Variants in TBCA observed in about 807,000 individuals in gnomAD.
TBCA encodes tubulin-specific chaperone A.
A neutral mutation model predicts 15.8 loss-of-function variants in TBCA; 6 were observed. That is an observed-to-expected ratio of 0.38 (90% CI 0.21 to 0.75). TBCA has a LOEUF of 0.75. Among genes scored for constraint, TBCA ranks in the 30% least tolerant of loss-of-function variants. The pLI, the probability that TBCA is intolerant of heterozygous loss-of-function variation, is 0.46. For synonymous variants in TBCA, 32 were observed against 42.3 expected (o/e 0.76, Z 0.94); for missense variants, 90 against 131.2 (o/e 0.69, Z 1.53).
intron 1 of TBCA, among the ~76,000 whole-genome samples, chr5:77,746,286 A>C (rs1561278516): frequency 6.6e-6 from 1 of 152,084 alleles, no homozygotes; most frequent in African/African-American, 2.4e-5. Context: ...AATAAAAATA[A>C]ATAATTTTTT....
chr5:77,768,491 T>C (rs968402023), intron 1 of TBCA, among the ~76,000 whole-genome samples: 7 of 152,210 alleles, frequency 4.6e-5, no homozygotes, highest in African/African-American at 1.4e-4. Flanking sequence ...AATTACTATA[T>C]TGCAAGAATA....
At chr5:77,772,268 T>C (rs1747933053) in intron 1 of TBCA, among the ~76,000 whole-genome samples, 2 of 152,186 alleles carry the variant, frequency 1.3e-5, no homozygotes, top group Admixed American at 1.3e-4. Flanking sequence ...CCCATGATCA[T>C]TCAGCCCCAA....
At chr5:77,736,428 T>C (rs1218323253) in intron 1 of TBCA, among the ~76,000 whole-genome samples, 2 of 152,010 alleles carry the variant, frequency 1.3e-5, no homozygotes, top group African/African-American at 4.8e-5. Flanking sequence ...AACCTTCAAA[T>C]TGTCCCTGGA....
chr5:77,702,456 T>C (rs946437520), intron 2 of TBCA, among the ~76,000 whole-genome samples: 2 of 152,220 alleles, frequency 1.3e-5, no homozygotes, highest in Non-Finnish European at 2.9e-5. Flanking sequence ...CATTCTACGT[T>C]ATGTGACATT....
chr5:77,694,905 C>T (rs1293310828), intron 2 of TBCA, among the ~76,000 whole-genome samples: 1 of 152,142 alleles, frequency 6.6e-6, no homozygotes, highest in Non-Finnish European at 1.5e-5. Context: ...AAATTTCAAA[C>T]ATAACATCAT....
At chr5:77,774,281 C>A (rs1472426602) in intron 1 of TBCA, among the ~76,000 whole-genome samples, 1 of 152,172 alleles carries the variant, frequency 6.6e-6, no homozygotes, top group Non-Finnish European at 1.5e-5. Flanking sequence ...ATTGGCCCTG[C>A]AAAGATGTCT....
intron 1 of TBCA, among the ~76,000 whole-genome samples, chr5:77,720,695 G>A (rs1473587096): frequency 1.3e-5 from 2 of 152,126 alleles, no homozygotes; most frequent in Non-Finnish European, 2.9e-5. Context: ...GCCTGGGTCA[G>A]AGAGTGAGAC....
chr5:77,692,692 TTAGA>T, intron 3 of TBCA: 5 of 973,866 alleles, frequency 5.1e-6, no homozygotes, highest in Non-Finnish European at 6.1e-6. Flanking sequence ...GCTTCCTGTC[TTAGA>T]TAGTATTTTA....
At chr5:77,691,878 C>T (rs1580085525) in intron 3 of TBCA, 2 of 995,916 alleles carry the variant, frequency 2.0e-6, no homozygotes, top group Non-Finnish European at 2.4e-6. Context: ...TATATGACAG[C>T]ATTCAGGCCA....
chr5:77,736,330 C>T lies in TBCA; in HGVS notation c.54-27983G>A, dbSNP rs556070565. On this transcript the variant is annotated intron_variant, in intron 1 of 3. Transcript: ENST00000380377. The stretch of plus-strand genomic sequence containing the variant: ...CAGCCTGAGTGACAGAGCGAGACTC[C>T]GTCTCAAAAAAAAAAAAAAAAAAAA... 3.1e-3 allele frequency among the ~76,000 whole-genome samples: 399 copies of T among 127,390 alleles called. 3 individuals are homozygous for T. The highest frequency in any genetic ancestry group is 0.012 in the African/African-American group (388 of 32,632). The allele number at this position is 127,390 out of a possible 152,430, so 83.6% of individuals were successfully genotyped here.
chr5:77,771,438 C>G (rs1747911571), intron 1 of TBCA, among the ~76,000 whole-genome samples: 1 of 152,156 alleles, frequency 6.6e-6, no homozygotes, highest in East Asian at 1.9e-4. Flanking sequence ...AATCTAACCT[C>G]TCTCTCTTGA....
chr5:77,721,564 GTA>G (rs1367011632), intron 1 of TBCA, among the ~76,000 whole-genome samples: 5 of 152,058 alleles, frequency 3.3e-5, no homozygotes, highest in African/African-American at 1.2e-4. Flanking sequence ...CACTGATTTG[GTA>G]TATGTTAAAG....
At chr5:77,722,621 C>T (rs557157336) in intron 1 of TBCA, among the ~76,000 whole-genome samples, 1 of 152,032 alleles carries the variant, frequency 6.6e-6, no homozygotes, top group East Asian at 1.9e-4. Context: ...TAACTCAACC[C>T]TTCCCAAACT....
At chr5:77,711,747 T>C (rs925889131) in intron 1 of TBCA, among the ~76,000 whole-genome samples, 27 of 152,162 alleles carry the variant, frequency 1.8e-4, no homozygotes, top group African/African-American at 4.8e-4. Flanking sequence ...GTAATCCAAG[T>C]CATCCTACTT....
At chr5:77,693,119 T>A in intron 3 of TBCA, 147 bp downstream of exon 3, 1 of 1,496,608 alleles carries the variant, frequency 6.7e-7, no homozygotes, top group Admixed American at 2.4e-5. Context: ...TAAACTCCAT[T>A]AATTATTTTA....
intron 1 of TBCA, among the ~76,000 whole-genome samples, chr5:77,733,687 G>C (rs189021601): frequency 6.6e-6 from 1 of 152,316 alleles, no homozygotes; most frequent in African/African-American, 2.4e-5. Flanking sequence ...AAAGTGCAAG[G>C]GGAAGCAGCA....
At chr5:77,692,266 T>G in intron 3 of TBCA, 4 of 985,338 alleles carry the variant, frequency 4.1e-6, no homozygotes, top group Non-Finnish European at 4.8e-6. Context: ...ATATGAAAAC[T>G]GAAAGCAAAA....
intron 1 of TBCA, among the ~76,000 whole-genome samples, chr5:77,733,224 T>C (rs886956060): frequency 6.6e-6 from 1 of 152,132 alleles, no homozygotes; most frequent in Non-Finnish European, 1.5e-5. Flanking sequence ...GAGGTTGCAG[T>C]GAGCCAAGAT....
chr5:77,734,202 C>T (rs1746841362), intron 1 of TBCA, among the ~76,000 whole-genome samples: 1 of 152,214 alleles, frequency 6.6e-6, no homozygotes, highest in African/African-American at 2.4e-5. Flanking sequence ...TTCATGTCTG[C>T]TAATACAACA....
Sources: gnomAD v4.1 joint callset for allele counts (sites outside exome capture counted in the v4.1 genomes callset) on GRCh38, gnomAD v4.1.1 for gene constraint, MANE v1.5 for transcripts, NCBI Gene and HGNC (gene_info 2026-07-23, HGNC 2026-07-21) for gene names.